The following SORCS3 variants were observed in gnomAD, a reference collection of about 807,000 sequenced individuals.
SORCS3 encodes the protein sortilin related VPS10 domain containing receptor 3.
SORCS3 carries 57 observed loss-of-function variants against 146.3 expected under a neutral mutation model. That is an observed-to-expected ratio of 0.39 (90% CI 0.31 to 0.49). The LOEUF is 0.49. SORCS3 is among the 20% of genes least tolerant of loss of function. SORCS3 has a pLI of 0.92. For missense variants in SORCS3, 1,341 were observed against 1,575.5 expected (o/e 0.85, Z 2.52); for synonymous variants, 653 against 618.5 (o/e 1.06, Z -0.83).
At position 105,065,405 on chromosome 10, in the gene SORCS3, CA is replaced by C. The variant is rs10659911; in HGVS notation, c.1028+22287del. Among the ~76,000 whole-genome samples, 35 of 149,242 alleles carry C rather than the reference CA, an allele frequency of 2.3e-4. No individual in the cohort carries two copies. The South Asian group carries it at 2.4e-3, about 10-fold the overall frequency. On this transcript the variant is annotated intron_variant, in intron 5 of 26. Coordinates refer to ENST00000369701, the MANE Select transcript of SORCS3 (RefSeq NM_014978.3). Reference sequence around the variant, plus strand: ...ATTCTTTAATATTTTATTGCATTTACAAAAAAAAAATCAGTCTGGGAAAATG... The same window carrying C: ...ATTCTTTAATATTTTATTGCATTTACAAAAAAAAATCAGTCTGGGAAAATG...
At chr10:105,092,938 CT>C (rs1339470517) in intron 6 of SORCS3, among the ~76,000 whole-genome samples, 1 of 152,126 alleles carries the variant, frequency 6.6e-6, no homozygotes, top group African/African-American at 2.4e-5. Context: ...ACTCTTAACA[CT>C]TTTATTCAAC....
rs1386899519 is a variant in SORCS3 at position 105,242,450 on chromosome 10, T to A, written c.2869-3092T>A. Among the ~76,000 whole-genome samples the A allele has an allele frequency of 7.8e-5, 7 of 89,248 alleles. No individual in the cohort carries two copies. In the East Asian group the frequency reaches 9.6e-4, roughly 12 times the overall value. The allele number at this position is 89,248 out of a possible 152,430, so 58.6% of individuals were successfully genotyped here. A position where few individuals can be genotyped will look rare whatever the true frequency, so the allele number is the denominator to read the frequency against. On this transcript the variant is annotated intron_variant, in intron 20 of 26. Coordinates refer to ENST00000369701, the MANE Select transcript of SORCS3 (RefSeq NM_014978.3). ...TATTTATACATATATTTATATATATTTATATATATTTATATATTTATATAT... is the reference window on the plus strand; with the variant it reads ...TATTTATACATATATTTATATATATATATATATATTTATATATTTATATAT...
At position 105,163,590 on chromosome 10, in the gene SORCS3, T is replaced by C. The variant is rs118000521; in HGVS notation, c.1733-713T>C. Among the ~76,000 whole-genome samples the C allele has an allele frequency of 3.3e-5, 5 of 152,286 alleles. No individual in the cohort carries two copies. The East Asian group carries it at 9.7e-4, about 29-fold the overall frequency. On this transcript the variant is annotated intron_variant, in intron 11 of 26. Transcript: ENST00000369701. ...ATGGACTAGAAAAGCTTGACCACTT[T>C]CTTTTTAATAAGCATAGCCACAAGG...
chr10:104,741,468 T>C (rs1229803961), intron 1 of SORCS3, among the ~76,000 whole-genome samples: 1 of 152,010 alleles, frequency 6.6e-6, no homozygotes, highest in Non-Finnish European at 1.5e-5. Flanking sequence ...GCTGCTTGAA[T>C]CTTTAGGGTT....
chr10:104,686,027 G>A (rs1022757815), intron 1 of SORCS3, among the ~76,000 whole-genome samples: 3 of 152,198 alleles, frequency 2.0e-5, no homozygotes, highest in Non-Finnish European at 4.4e-5. Context: ...CCTGGGGTGG[G>A]AGAGAGGGAG....
At chr10:105,255,676 C>T (rs978253068) in intron 23 of SORCS3, 26 bp from the exon 24 acceptor site, 18 of 1,483,386 alleles carry the variant, frequency 1.2e-5, no homozygotes, top group Non-Finnish European at 1.7e-5. Context: ...TCATGTCACC[C>T]CATGCATCCT....
chr10:104,859,066 G>T lies in SORCS3; in HGVS notation c.695+16207G>T, dbSNP rs563579388. 2.0e-5 allele frequency among the ~76,000 whole-genome samples: 3 copies of T among 152,184 alleles called. No homozygotes were observed. In the South Asian group the frequency reaches 6.2e-4, roughly 32 times the overall value. ...GCTTGTATGTGTGTGTGTGTGGTGT[G>T]TGTATGTTGCATACATGCATTTACA... On this transcript the variant is annotated intron_variant, in intron 2 of 26. Transcript: ENST00000369701.
chr10:104,835,171 A>T (rs1461370081), intron 1 of SORCS3, among the ~76,000 whole-genome samples: 3 of 151,986 alleles, frequency 2.0e-5, no homozygotes, highest in Admixed American at 1.3e-4. Flanking sequence ...TGGACTCTAG[A>T]TGTTTAATTT....
chr10:104,781,627 A>G (rs1440310919), intron 1 of SORCS3, among the ~76,000 whole-genome samples: 1 of 152,266 alleles, frequency 6.6e-6, no homozygotes, highest in South Asian at 2.1e-4. Context: ...CAGAACAAAC[A>G]AAAAATGATA....
At chr10:105,001,032 C>A (rs144865495) in intron 4 of SORCS3, among the ~76,000 whole-genome samples, 1 of 152,122 alleles carries the variant, frequency 6.6e-6, no homozygotes, top group African/African-American at 2.4e-5. Context: ...TATACTTTAT[C>A]TATTAGATCA....
chr10:105,004,627 A>G (rs560695900), intron 4 of SORCS3, among the ~76,000 whole-genome samples: 2 of 152,254 alleles, frequency 1.3e-5, no homozygotes, highest in South Asian at 4.2e-4. Flanking sequence ...GTTGAATGCA[A>G]CAGGATGGCA....
intron 20 of SORCS3, among the ~76,000 whole-genome samples, chr10:105,238,658 C>A (rs1229048412): frequency 6.6e-6 from 1 of 152,118 alleles, no homozygotes; most frequent in Admixed American, 6.6e-5. Flanking sequence ...TTGCTTTTGT[C>A]ACAAAAATTC....
intron 6 of SORCS3, among the ~76,000 whole-genome samples, chr10:105,104,713 T>A (rs910186522): frequency 2.0e-5 from 3 of 152,248 alleles, no homozygotes; most frequent in South Asian, 2.1e-4. Context: ...AATTTTCATA[T>A]GTATCCTTTA....
At chr10:105,231,499 AC>A (rs2056765317) in intron 20 of SORCS3, among the ~76,000 whole-genome samples, 1 of 152,024 alleles carries the variant, frequency 6.6e-6, no homozygotes, top group South Asian at 2.1e-4. Flanking sequence ...TCCCAATATA[AC>A]TTTTGTTTAT....
intron 25 of SORCS3, among the ~76,000 whole-genome samples, chr10:105,261,560 G>A (rs1247699709): frequency 6.6e-6 from 1 of 152,168 alleles, no homozygotes; most frequent in Non-Finnish European, 1.5e-5. Context: ...TGGATTAAAG[G>A]AATGCAAAGG....
chr10:104,655,100 A>G (rs1205375753), intron 1 of SORCS3, among the ~76,000 whole-genome samples: 1 of 152,052 alleles, frequency 6.6e-6, no homozygotes, highest in Non-Finnish European at 1.5e-5. Flanking sequence ...TAAAAATTCA[A>G]AAATTAGCCA....
intron 2 of SORCS3, among the ~76,000 whole-genome samples, chr10:104,912,930 A>C (rs11596606): frequency 0.3 from 45,271 of 151,966 alleles, 7,652 homozygotes; most frequent in African/African-American, 0.46. Context: ...TGAGGGTTGG[A>C]GGAAAATTTG....
intron 1 of SORCS3, among the ~76,000 whole-genome samples, chr10:104,646,115 T>A (rs2015492631): frequency 1.3e-5 from 2 of 152,178 alleles, no homozygotes; most frequent in Admixed American, 1.3e-4. Flanking sequence ...TTGCTCCTGG[T>A]CATTGTTGGT....
rs2018333393 is a variant in SORCS3, at chr10:104,856,477, C to T, written c.695+13618C>T. Among the ~76,000 whole-genome samples, 2 of 119,766 alleles carry T rather than the reference C, an allele frequency of 1.7e-5. 1 individual carries two copies. Among genetic ancestry groups the T allele is most frequent in the Admixed American group, 1.5e-4 (2 of 12,930 alleles). The allele number at this position is 119,766 out of a possible 152,430, so 78.6% of individuals were successfully genotyped here. ...CTGTAATAACTAATTTATATATATGCCTCTAATTGATTATATTTATATTTA... is the reference window on the plus strand; with the variant it reads ...CTGTAATAACTAATTTATATATATGTCTCTAATTGATTATATTTATATTTA... On this transcript the variant is annotated intron_variant, in intron 2 of 26. Coordinates refer to ENST00000369701, the MANE Select transcript of SORCS3 (RefSeq NM_014978.3).
Sources: gnomAD v4.1 joint callset for allele counts (sites outside exome capture counted in the v4.1 genomes callset) on GRCh38, gnomAD v4.1.1 for gene constraint, MANE v1.5 for transcripts, NCBI Gene and HGNC (gene_info 2026-07-23, HGNC 2026-07-21) for gene names.